The following ARHGAP15 variants were observed in gnomAD, a reference collection of about 807,000 sequenced individuals.
ARHGAP15 encodes rho GTPase-activating protein 15.
ARHGAP15 carries 51 observed loss-of-function variants against 63.7 expected under a neutral mutation model. The ratio of observed to expected loss-of-function variants is 0.80; its 90% CI spans 0.64 to 1.01. The LOEUF (loss-of-function observed/expected upper bound fraction) is 1.01, where lower values mean the gene tolerates loss of function less well. Among genes scored for constraint, ARHGAP15 ranks in the 50% least tolerant of loss-of-function variants. ARHGAP15 has a pLI of 0.00. For synonymous variants in ARHGAP15, 191 were observed against 193.8 expected, an observed-to-expected ratio of 0.99 and a Z score of 0.12; for missense variants, 560 against 564.6, an observed-to-expected ratio of 0.99 and a Z score of 0.08.
intron 6 of ARHGAP15, among the ~76,000 whole-genome samples, chr2:143,267,879 A>G (rs1269156803): frequency 1.3e-5 from 2 of 152,158 alleles, no homozygotes; most frequent in Non-Finnish European, 2.9e-5. Flanking sequence ...TAGTTTTATG[A>G]AATATATCCA....
At chr2:143,182,015 C>A (rs1439135970) in intron 2 of ARHGAP15, among the ~76,000 whole-genome samples, 2 of 150,294 alleles carry the variant, frequency 1.3e-5, no homozygotes, top group African/African-American at 4.9e-5. Context: ...GATCTTGGCT[C>A]ACTGAAACCC....
intron 12 of ARHGAP15, among the ~76,000 whole-genome samples, chr2:143,631,945 T>A (rs929103839): frequency 1.3e-5 from 2 of 152,136 alleles, no homozygotes; most frequent in African/African-American, 4.8e-5. Context: ...GCAGTTATTA[T>A]TTTTAGAAGT....
At chr2:143,389,538 G>C (rs911481000) in intron 6 of ARHGAP15, among the ~76,000 whole-genome samples, 26 of 152,140 alleles carry the variant, frequency 1.7e-4, no homozygotes, top group African/African-American at 6.0e-4. Context: ...TGCACATCTA[G>C]ACCAAGACTA....
chr2:143,275,713 A>G (rs1681514571), intron 6 of ARHGAP15, among the ~76,000 whole-genome samples: 1 of 152,090 alleles, frequency 6.6e-6, no homozygotes, highest in Non-Finnish European at 1.5e-5. Flanking sequence ...AACCTATGAT[A>G]ATGTAGTTCC....
At chr2:143,647,490 T>G (rs1680940650) in intron 12 of ARHGAP15, among the ~76,000 whole-genome samples, 1 of 152,018 alleles carries the variant, frequency 6.6e-6, no homozygotes, top group African/African-American at 2.4e-5. Flanking sequence ...TGTTAGGTGC[T>G]TTCTACATGA....
chr2:143,708,178 G>T (rs901884332), intron 13 of ARHGAP15, among the ~76,000 whole-genome samples: 3 of 152,096 alleles, frequency 2.0e-5, no homozygotes, highest in Non-Finnish European at 4.4e-5. Flanking sequence ...GATTATAAAA[G>T]AACTTATTTC....
At chr2:143,165,084 C>T (rs1690446624) in intron 2 of ARHGAP15, among the ~76,000 whole-genome samples, 1 of 151,950 alleles carries the variant, frequency 6.6e-6, no homozygotes. Context: ...TTATGTATCC[C>T]TTACGAGGTG....
intron 6 of ARHGAP15, among the ~76,000 whole-genome samples, chr2:143,332,021 T>G (rs1684571639): frequency 6.6e-6 from 1 of 152,160 alleles, no homozygotes; most frequent in South Asian, 2.1e-4. Context: ...ATGTGGTACC[T>G]GCCACAAAAC....
intron 8 of ARHGAP15, among the ~76,000 whole-genome samples, chr2:143,479,963 T>G (rs1011189856): frequency 6.6e-6 from 1 of 152,160 alleles, no homozygotes; most frequent in Non-Finnish European, 1.5e-5. Context: ...GATGGTATAC[T>G]TAATATTTGC....
chr2:143,657,695 G>A (rs13432899), intron 12 of ARHGAP15, among the ~76,000 whole-genome samples: 3,141 of 152,228 alleles, frequency 0.021, 117 homozygotes, highest in African/African-American at 0.072. Context: ...TTGTTCTCTA[G>A]TCATTCCACC....
chr2:143,293,217 TCAC>T (rs1273955477), intron 6 of ARHGAP15, among the ~76,000 whole-genome samples: 2 of 152,032 alleles, frequency 1.3e-5, no homozygotes, highest in Non-Finnish European at 2.9e-5. Context: ...TCGAGAATCT[TCAC>T]CACCCAATAA....
intron 13 of ARHGAP15, among the ~76,000 whole-genome samples, chr2:143,725,971 A>G (rs1685255135): frequency 6.6e-6 from 1 of 152,194 alleles, no homozygotes; most frequent in Non-Finnish European, 1.5e-5. Context: ...ACATCCTGTC[A>G]CCTCTTCTTT....
At chr2:143,620,720 A>AT (rs771308566) in intron 11 of ARHGAP15, among the ~76,000 whole-genome samples, 4 of 152,354 alleles carry the variant, frequency 2.6e-5, no homozygotes, top group South Asian at 4.1e-4. Flanking sequence ...TAAAATGGAC[A>AT]TGATGATAAC....
At chr2:143,693,882 G>A (rs1399095521) in intron 12 of ARHGAP15, among the ~76,000 whole-genome samples, 1 of 152,160 alleles carries the variant, frequency 6.6e-6, no homozygotes, top group African/African-American at 2.4e-5. Context: ...TTCAGGCTTG[G>A]AATGAGCTGT....
chr2:143,581,471 G>C (rs2105145260), intron 11 of ARHGAP15, among the ~76,000 whole-genome samples: 1 of 152,126 alleles, frequency 6.6e-6, no homozygotes, highest in East Asian at 1.9e-4. Context: ...CTCTGAAACT[G>C]TCCTTAAATT....
chr2:143,211,515 G>T (rs988736993), intron 3 of ARHGAP15, among the ~76,000 whole-genome samples: 1 of 152,076 alleles, frequency 6.6e-6, no homozygotes, highest in African/African-American at 2.4e-5. Flanking sequence ...AAGTATAGCA[G>T]CTGCCTCGTT....
At chr2:143,255,888 C>T (rs1680399380) in intron 6 of ARHGAP15, among the ~76,000 whole-genome samples, 1 of 152,140 alleles carries the variant, frequency 6.6e-6, no homozygotes. Context: ...ACATTCACGT[C>T]TAACACAGTT....
intron 1 of ARHGAP15, among the ~76,000 whole-genome samples, chr2:143,130,806 T>G (rs1183312436): frequency 1.3e-5 from 2 of 152,170 alleles, no homozygotes; most frequent in African/African-American, 4.8e-5. Flanking sequence ...GTGATTAGAT[T>G]TTCAATTTGT....
At chr2:143,344,396 C>T (rs756208421) in intron 6 of ARHGAP15, among the ~76,000 whole-genome samples, 9 of 152,100 alleles carry the variant, frequency 5.9e-5, no homozygotes, top group South Asian at 2.1e-4. Flanking sequence ...ATGCTTTTGA[C>T]CTAAGCCTTT....
Sources: allele counts gnomAD v4.1 joint callset (sites outside exome capture counted in the v4.1 genomes callset), GRCh38; gene constraint gnomAD v4.1.1; transcripts MANE v1.5; gene names NCBI Gene and HGNC (gene_info 2026-07-23, HGNC 2026-07-21).